FNBP1: variants seen among roughly 807,000 people sequenced by gnomAD.
The protein encoded by FNBP1 is formin binding protein 1.
Under a neutral mutation model 90.6 loss-of-function variants are expected in FNBP1, and 26 were observed. The observed-to-expected ratio is 0.29, with a 90% CI of 0.21 to 0.40. FNBP1 has a LOEUF of 0.40. FNBP1 is among the 10% of genes least tolerant of loss of function. The pLI is 1.00. For missense variants in FNBP1, 635 were observed against 768.0 expected, an observed-to-expected ratio of 0.83 and a Z score of 2.05; for synonymous variants, 260 against 265.2, an observed-to-expected ratio of 0.98 and a Z score of 0.19.
At chr9:129,991,901 C>T (rs1241779326) in intron 2 of FNBP1, among the ~76,000 whole-genome samples, 3 of 152,080 alleles carry the variant, frequency 2.0e-5, no homozygotes, top group Admixed American at 1.3e-4. Flanking sequence ...CTTCGTGATC[C>T]GCCCGCCTCA....
At chr9:129,981,931 G>A (rs1403844557) in intron 2 of FNBP1, among the ~76,000 whole-genome samples, 1 of 152,172 alleles carries the variant, frequency 6.6e-6, no homozygotes, top group Non-Finnish European at 1.5e-5. Flanking sequence ...TCAAAACTGA[G>A]ATCATGTTGG....
intron 2 of FNBP1, among the ~76,000 whole-genome samples, chr9:129,991,525 C>A (rs2053157128): frequency 6.6e-6 from 1 of 152,076 alleles, no homozygotes; most frequent in Admixed American, 6.6e-5. Context: ...ACCTCGGCCT[C>A]CTGAAGTGCT....
intron 4 of FNBP1, among the ~76,000 whole-genome samples, chr9:129,978,151 G>C (rs1339337827): frequency 6.6e-6 from 1 of 152,006 alleles, no homozygotes; most frequent in Non-Finnish European, 1.5e-5. Context: ...CTCCTGAGTA[G>C]CTGGGATTAC....
rs969855152 is a variant in FNBP1, at chr9:130,042,909, G to A, written c.24+43C>T. Reference sequence around the variant, plus strand: ...CCTCCCCAGGCCGCGGGGAAACGCAGCGCGCGCCCCGCATCTGCCCGCGGG... The same window carrying A: ...CCTCCCCAGGCCGCGGGGAAACGCAACGCGCGCCCCGCATCTGCCCGCGGG... On this transcript the variant is annotated intron_variant, in intron 1 of 16. Transcript: ENST00000446176. The surrounding 1 kb of genome is among the most constrained non-coding windows in gnomAD (Gnocchi z 5.5). The A allele has an allele frequency of 1.7e-6, 2 of 1,210,492 alleles. No individual in the cohort carries two copies. Among genetic ancestry groups the A allele is most frequent in the African/African-American group, 1.6e-5 (1 of 63,588 alleles). 75.0% of individuals were successfully genotyped at this position (1,210,492 alleles called of 1,614,324 possible). A position where few individuals can be genotyped will look rare whatever the true frequency, so the allele number is the denominator to read the frequency against.
At chr9:129,896,389 G>C (rs894495436) in intron 15 of FNBP1, among the ~76,000 whole-genome samples, 1 of 151,904 alleles carries the variant, frequency 6.6e-6, no homozygotes, top group Non-Finnish European at 1.5e-5. Flanking sequence ...TTATTTTTTG[G>C]GGGGGTTGTG....
intron 1 of FNBP1, among the ~76,000 whole-genome samples, chr9:130,020,265 T>C (rs992448245): frequency 6.6e-6 from 1 of 152,214 alleles, no homozygotes; most frequent in Non-Finnish European, 1.5e-5. Context: ...TGGAGTGCTG[T>C]AGCGCGACCT....
In FNBP1 at chr9:129,978,527, C is replaced by T. The variant is rs1289591607; in HGVS notation, c.283G>A (p.Ala95Thr). 2.5e-6 allele frequency: 4 copies of T among 1,613,606 alleles called. No homozygotes were observed. Among genetic ancestry groups the T allele is most frequent in the East Asian group, 2.2e-5 (1 of 44,898 alleles). ...GQHEVISENMASQIIVDLARY... is the reference protein window; with the variant it reads ...GQHEVISENMTSQIIVDLARY... ...GCCAAGTCCACAATGATCTGTGATG[C>T]CATGTTCTCGGAGATAACTTCATGC... is the stretch of plus-strand genomic sequence containing the variant. Residue 95 changes from alanine to threonine, a missense_variant, in exon 4 of 17, where the codon GCA becomes ACA. Ala to Thr is a moderately conservative substitution (Grantham distance 58). Transcript: ENST00000446176.
intron 9 of FNBP1, 56 bp downstream of exon 9, chr9:129,924,904 G>T (rs2041646869): frequency 8.3e-6 from 12 of 1,443,214 alleles, no homozygotes; most frequent in Non-Finnish European, 1.0e-5. Context: ...AAGACTAAAA[G>T]ATCAAGTCAA....
chr9:129,929,702 G>A lies in FNBP1; in HGVS notation c.514-7C>T, dbSNP rs1194906566. 3.1e-6 allele frequency: 5 copies of A among 1,613,654 alleles called. No individual in the cohort carries two copies. The highest frequency in any genetic ancestry group is 4.5e-5 in the East Asian group (2 of 44,878). On this transcript the variant is annotated splice_region_variant and splice_polypyrimidine_tract_variant and intron_variant, in intron 6 of 16. Transcript: ENST00000446176. ...TTTGAGCTTGTTGTCGGGCCTTAGG[G>A]CAAAAACAAGAATACTCCTACGTTT...
At chr9:130,020,693 C>A (rs887821840) in intron 1 of FNBP1, among the ~76,000 whole-genome samples, 14 of 152,152 alleles carry the variant, frequency 9.2e-5, no homozygotes, top group African/African-American at 2.9e-4. Context: ...TAATATGCTA[C>A]GCCAACTCAG....
chr9:130,008,445 G>A (rs924346890), intron 1 of FNBP1, among the ~76,000 whole-genome samples: 1 of 152,166 alleles, frequency 6.6e-6, no homozygotes, highest in Non-Finnish European at 1.5e-5. Flanking sequence ...AAGAGGAAAA[G>A]TATTAGGGAT....
Position 130,042,139 on chromosome 9 carries a change from G to A in FNBP1, c.24+813C>T, listed in dbSNP as rs2059881346. Among the ~76,000 whole-genome samples the A allele has an allele frequency of 6.6e-6, 1 of 152,006 alleles. No homozygotes were observed. The highest frequency in any genetic ancestry group is 2.1e-4 in the South Asian group (1 of 4,810). On this transcript the variant is annotated intron_variant, in intron 1 of 16. Transcript: ENST00000446176. This position sits in a 1 kb window ranked among gnomAD's most constrained non-coding sequence, Gnocchi z 5.5. The stretch of plus-strand genomic sequence containing the variant: ...GGGACGGCCCTCAGCCCTGAGGGCT[G>A]CCCGTTTACCGTGCGCATCCCCCGG...
intron 12 of FNBP1, among the ~76,000 whole-genome samples, chr9:129,904,031 C>T (rs1164960904): frequency 6.6e-6 from 1 of 151,594 alleles, no homozygotes; most frequent in Non-Finnish European, 1.5e-5. Flanking sequence ...AGCAAGACTC[C>T]ATCTCAAACA....
At position 130,032,152 on chromosome 9, in the gene FNBP1, A is replaced by G. The variant is rs930929615; in HGVS notation, c.24+10800T>C. On this transcript the variant is annotated intron_variant, in intron 1 of 16. Coordinates refer to ENST00000446176, the MANE Select transcript of FNBP1 (RefSeq NM_015033.3). ...CAATGTAAATAGCCTATTTTTAAGG[A>G]TAAGTTAAAATAAACTTTTTTTTTT... Among the ~76,000 whole-genome samples the G allele has an allele frequency of 7.3e-5, 11 of 151,512 alleles. No individual in the cohort carries two copies. In the East Asian group the frequency reaches 1.6e-3, roughly 21 times the overall value.
intron 6 of FNBP1, among the ~76,000 whole-genome samples, chr9:129,931,077 G>C (rs1223956912): frequency 6.6e-6 from 1 of 152,178 alleles, no homozygotes. Flanking sequence ...GCTCGGGTGG[G>C]CAGATTGCTT....
chr9:129,888,718 T>TCGTCCCC lies in FNBP1; in HGVS notation c.*1814_*1820dup. The TCGTCCCC allele has an allele frequency of 4.3e-6, 1 of 233,304 alleles. No individual in the cohort carries two copies. The highest frequency in any genetic ancestry group is 8.5e-6 in the Non-Finnish European group (1 of 118,074). The allele number at this position is 233,304 out of a possible 1,614,324, so 14.5% of individuals were successfully genotyped here. ...TCAGCGTCTCTGCGCTTGTGGTTTC[T>TCGTCCCC]CGTCCCCGAGGGCTGACTGAGCTGC... is the stretch of plus-strand genomic sequence containing the variant. On this transcript the variant is annotated 3_prime_UTR_variant, in exon 17 of 17. Transcript: ENST00000446176.
intron 12 of FNBP1, among the ~76,000 whole-genome samples, chr9:129,906,445 G>A (rs2131462719): frequency 6.6e-6 from 1 of 152,184 alleles, no homozygotes; most frequent in East Asian, 1.9e-4. Context: ...TGAATCATGG[G>A]GGCGGTTTTT....
intron 6 of FNBP1, among the ~76,000 whole-genome samples, chr9:129,951,024 T>G (rs1344193746): frequency 1.4e-5 from 2 of 146,662 alleles, no homozygotes. Context: ...CAGGCTGGAG[T>G]GCAGCCGTGC....
At chr9:129,914,767 A>ATATATATATATATATATC (rs2039978540) in intron 11 of FNBP1, 2 of 100,944 alleles carry the variant, frequency 2.0e-5, no homozygotes, top group Admixed American at 2.0e-4. Flanking sequence ...CTATATATAT[A>ATATATATATATATATATC]TATATATATA....
Sources: allele counts gnomAD v4.1 joint callset (sites outside exome capture counted in the v4.1 genomes callset), GRCh38; gene constraint gnomAD v4.1.1; non-coding constraint Gnocchi (gnomAD v3.1); transcripts MANE v1.5; gene names NCBI Gene and HGNC (gene_info 2026-07-23, HGNC 2026-07-21).